EMC8: variants seen among roughly 807,000 people sequenced by gnomAD.
EMC8 encodes COX4 neighbor.
In EMC8, 11 loss-of-function variants were observed where a neutral mutation model predicts 24.3. The ratio of observed to expected loss-of-function variants is 0.45; its 90% confidence interval spans 0.28 to 0.75. The LOEUF is 0.75. Among genes scored for constraint, EMC8 ranks in the 30% least tolerant of loss-of-function variants. EMC8 has a pLI of 0.12. For synonymous variants in EMC8, 145 were observed against 117.7 expected, an observed-to-expected ratio of 1.23 and a Z score of -1.50; for missense variants, 277 against 282.7, an observed-to-expected ratio of 0.98 and a Z score of 0.14.
intron 2 of EMC8, among the ~76,000 whole-genome samples, chr16:85,786,488 T>A (rs1001994227): frequency 6.6e-6 from 1 of 152,080 alleles, no homozygotes; most frequent in Non-Finnish European, 1.5e-5. Flanking sequence ...TGAAATAAAA[T>A]GACCCCGATA....
chr16:85,796,258 G>A (rs753581600), intron 1 of EMC8, among the ~76,000 whole-genome samples: 8 of 152,064 alleles, frequency 5.3e-5, no homozygotes, highest in Non-Finnish European at 8.8e-5. Flanking sequence ...AATGGCACCA[G>A]TGCACCATCG....
intron 2 of EMC8, among the ~76,000 whole-genome samples, chr16:85,786,650 G>A (rs77396600): frequency 2.0e-5 from 3 of 152,120 alleles, no homozygotes; most frequent in Admixed American, 1.3e-4. Context: ...TGGCTGCTCC[G>A]GATGCATTTA....
At chr16:85,788,865 G>C in intron 2 of EMC8, 109 bp downstream of exon 2, 1 of 773,902 alleles carries the variant, frequency 1.3e-6, no homozygotes, top group South Asian at 1.4e-5. Context: ...ACAGAGGGAA[G>C]GGGTGTAGGT....
rs1597211983 is a variant in EMC8 at position 85,798,828 on chromosome 16, G to A, written c.231+237C>T. ...TCAGGAAACTAACGTATAACTCGTC[G>A]CCTTAAAGTGCCTCTAAAAGCATCC... On this transcript the variant is annotated intron_variant, in intron 1 of 4. Coordinates refer to ENST00000253457, the MANE Select transcript of EMC8 (RefSeq NM_006067.5). 2.4e-5 allele frequency: 11 copies of A among 461,444 alleles called. No homozygotes were observed. In the East Asian group the frequency reaches 3.3e-4, roughly 14 times the overall value. 28.6% of individuals were successfully genotyped at this position (461,444 alleles called of 1,614,324 possible).
chr16:85,780,741 T>C, intron 3 of EMC8: 1 of 524,242 alleles, frequency 1.9e-6, no homozygotes, highest in Non-Finnish European at 3.4e-6. Flanking sequence ...TCTGTCTGAA[T>C]CAAGGCTGTT....
Position 85,786,522 on chromosome 16 carries a change from A to G in EMC8, c.308+2452T>C, listed in dbSNP as rs1904761327. On this transcript the variant is annotated intron_variant, in intron 2 of 4. Transcript: ENST00000253457. ...TAGAGCCCAGGGATAGCACGGCATT[A>G]CCTACCTGAGGTGTCCTCCTCAAAC... Among the ~76,000 whole-genome samples, 3 of 152,188 alleles carry G rather than the reference A, an allele frequency of 2.0e-5. No individual in the cohort carries two copies. In the South Asian group the frequency reaches 6.2e-4, roughly 31 times the overall value.
chr16:85,780,768 G>A (rs1182709840), intron 3 of EMC8: 1 of 498,616 alleles, frequency 2.0e-6, no homozygotes, highest in Admixed American at 3.3e-5. Flanking sequence ...GGCCCTTGAT[G>A]TCATCTGCTC....
chr16:85,799,367 C>A lies in EMC8; in HGVS notation c.-72G>T. 1.0e-6 allele frequency: 1 copy of A among 980,010 alleles called. No homozygotes were observed. Among genetic ancestry groups the A allele is most frequent in the South Asian group, 1.9e-5 (1 of 52,150 alleles). 60.7% of individuals were successfully genotyped at this position (980,010 alleles called of 1,614,324 possible). On this transcript the variant is annotated 5_prime_UTR_variant, in exon 1 of 5. Transcript: ENST00000253457. The surrounding 1 kb of genome is among the most constrained non-coding windows in gnomAD (Gnocchi z 4.2). ...CTGGACCCGCTGCCTGGCCGCGCGG[C>A]GCCTCAGCCGAGAAGCGGGACGAGG...
intron 2 of EMC8, among the ~76,000 whole-genome samples, chr16:85,783,722 T>C (rs926859869): frequency 6.6e-6 from 1 of 152,162 alleles, no homozygotes; most frequent in Non-Finnish European, 1.5e-5. Flanking sequence ...ATGCCCGTCT[T>C]GTTTCACTCA....
At chr16:85,787,036 G>T (rs1056034387) in intron 2 of EMC8, among the ~76,000 whole-genome samples, 1 of 152,132 alleles carries the variant, frequency 6.6e-6, no homozygotes, top group Non-Finnish European at 1.5e-5. Flanking sequence ...GGCAGACACT[G>T]CTTGGTCCAG....
chr16:85,781,676 T>C (rs1904510013), intron 2 of EMC8: 1 of 167,318 alleles, frequency 6.0e-6, no homozygotes, highest in Non-Finnish European at 1.2e-5. Context: ...GGTCTTCAAC[T>C]CCTGGCCTCA....
At chr16:85,781,614 C>CTTTTTTTTT in intron 2 of EMC8, 1 of 129,096 alleles carries the variant, frequency 7.7e-6, no homozygotes, top group African/African-American at 3.2e-5. Flanking sequence ...TTTTTTTTTG[C>CTTTTTTTTT]TTTTTTTTTT....
At chr16:85,789,721 G>T (rs915607930) in intron 1 of EMC8, among the ~76,000 whole-genome samples, 3 of 152,050 alleles carry the variant, frequency 2.0e-5, no homozygotes, top group African/African-American at 7.3e-5. Flanking sequence ...GAACCCCAGA[G>T]GGGGAGGTTG....
intron 1 of EMC8, among the ~76,000 whole-genome samples, chr16:85,793,762 AG>A (rs1387375408): frequency 6.6e-6 from 1 of 152,226 alleles, no homozygotes; most frequent in African/African-American, 2.4e-5. Context: ...GAAATCAACA[AG>A]GGGAAAAGGG....
At chr16:85,798,216 G>A (rs961091991) in intron 1 of EMC8, among the ~76,000 whole-genome samples, 13 of 147,448 alleles carry the variant, frequency 8.8e-5, no homozygotes, top group African/African-American at 3.0e-4. Context: ...CTGCCTCCTG[G>A]GTTCAAGCGA....
rs556167682 is a variant in EMC8, at chr16:85,797,885, T to C, written c.231+1180A>G. ...GGTATGCAGGTCTGAAGCTACAGTTTACTTTTCCTTCAGGTTTTAACAACT... is the reference window on the plus strand; with the variant it reads ...GGTATGCAGGTCTGAAGCTACAGTTCACTTTTCCTTCAGGTTTTAACAACT... On this transcript the variant is annotated intron_variant, in intron 1 of 4. Coordinates refer to ENST00000253457, the MANE Select transcript of EMC8 (RefSeq NM_006067.5). 4.9e-4 allele frequency among the ~76,000 whole-genome samples: 74 copies of C among 152,308 alleles called. No individual in the cohort carries two copies. In the South Asian group the frequency reaches 0.014, roughly 29 times the overall value.
In EMC8 at chr16:85,799,163, C is replaced by T. The variant is rs375950381; in HGVS notation, c.133G>A (p.Gly45Ser). The T allele has an allele frequency of 1.2e-6, 2 of 1,610,012 alleles. No individual in the cohort carries two copies. Among genetic ancestry groups the T allele is most frequent in the Non-Finnish European group, 1.7e-6 (2 of 1,178,498 alleles). Residue 45 changes from glycine (G) to serine (S), a missense_variant, in exon 1 of 5, where the codon GGC becomes AGC. Gly to Ser is a moderately conservative substitution (Grantham distance 56). Coordinates refer to ENST00000253457, the MANE Select transcript of EMC8 (RefSeq NM_006067.5). This position sits in a 1 kb window ranked among gnomAD's most constrained non-coding sequence, Gnocchi z 4.2. Reference sequence around the variant, plus strand: ...AGGGTGTGGTGGGCGCCGGGGCCGCCCAGGGGGAGGTGCTCCTTACGCGGC... The same window carrying T: ...AGGGTGTGGTGGGCGCCGGGGCCGCTCAGGGGGAGGTGCTCCTTACGCGGC... ...QKPRKEHLPL[G>S]GPGAHHTLFV... is the part of the protein sequence containing the mutation.
intron 1 of EMC8, among the ~76,000 whole-genome samples, chr16:85,797,035 A>T (rs1905266200): frequency 6.6e-6 from 1 of 152,230 alleles, no homozygotes; most frequent in Non-Finnish European, 1.5e-5. Flanking sequence ...TCCCGCATAA[A>T]TGCTACTGAT....
intron 1 of EMC8, chr16:85,792,789 C>T (rs1441464530): frequency 2.0e-5 from 3 of 152,204 alleles, no homozygotes; most frequent in Admixed American, 2.0e-4. Context: ...CGAAGCGAGG[C>T]AAGACAAGGC....
Sources: gnomAD v4.1 joint callset for allele counts (sites outside exome capture counted in the v4.1 genomes callset) on GRCh38, gnomAD v4.1.1 for gene constraint, Gnocchi (gnomAD v3.1) non-coding constraint, MANE v1.5 for transcripts, NCBI Gene and HGNC (gene_info 2026-07-23, HGNC 2026-07-21) for gene names.